Variants in TRPM3 observed in about 807,000 individuals in gnomAD.
TRPM3 encodes the protein long transient receptor potential channel 3.
Under a neutral mutation model 181.2 loss-of-function variants are expected in TRPM3, and 77 were observed. The ratio of observed to expected loss-of-function variants is 0.42; its 90% CI spans 0.35 to 0.51. TRPM3 has a LOEUF of 0.51. Among genes scored for constraint, TRPM3 ranks in the 20% least tolerant of loss-of-function variants. The pLI is 0.01. For synonymous variants in TRPM3, 745 were observed against 796.4 expected (o/e 0.94, Z 1.09); for missense variants, 1,759 against 2,196.7 (o/e 0.80, Z 3.98).
At chr9:70,968,534 T>C (rs918010143) in intron 1 of TRPM3, among the ~76,000 whole-genome samples, 1 of 152,154 alleles carries the variant, frequency 6.6e-6, no homozygotes, top group Non-Finnish European at 1.5e-5. Flanking sequence ...AGGGTTCATA[T>C]TGCACATTGT....
intron 9 of TRPM3, among the ~76,000 whole-genome samples, chr9:70,652,182 C>T (rs958806292): frequency 6.6e-6 from 1 of 152,036 alleles, no homozygotes; most frequent in African/African-American, 2.4e-5. Flanking sequence ...GCTATATGAA[C>T]AGAAATAGGA....
rs534060507 is a variant in TRPM3, at chr9:70,987,763, T to C, written c.178-123252A>G. Among the ~76,000 whole-genome samples, 202 of 152,264 alleles carry C rather than the reference T, an allele frequency of 1.3e-3. 3 individuals carry two copies. The highest frequency in any genetic ancestry group is 4.5e-3 in the African/African-American group (187 of 41,552). On this transcript the variant is annotated intron_variant, in intron 1 of 25. Coordinates refer to ENST00000677713, the MANE Select transcript of TRPM3 (RefSeq NM_001366145.2). ...ACCAGTAGAACAATGATTAATTCTC[T>C]GTTGGATCCTGGAATGTCTTTGGAG...
chr9:70,743,321 CACT>C, intron 8 of TRPM3, among the ~76,000 whole-genome samples: 1 of 152,280 alleles, frequency 6.6e-6, no homozygotes, highest in Middle Eastern at 3.4e-3. Flanking sequence ...GATATACCAA[CACT>C]ACAAGTAGAT....
intron 1 of TRPM3, among the ~76,000 whole-genome samples, chr9:71,107,156 G>C (rs1333733375): frequency 6.6e-6 from 1 of 152,072 alleles, no homozygotes; most frequent in Admixed American, 6.6e-5. Flanking sequence ...CCCCAACCCT[G>C]CACAGAGGCA....
intron 9 of TRPM3, among the ~76,000 whole-genome samples, chr9:70,656,173 AT>A (rs1171337687): frequency 6.6e-6 from 1 of 152,224 alleles, no homozygotes; most frequent in African/African-American, 2.4e-5. Context: ...GTTTGCATTT[AT>A]TAATCAAGCA....
At chr9:71,416,113 A>G (rs1273513453) in intron 1 of TRPM3, among the ~76,000 whole-genome samples, 2 of 151,728 alleles carry the variant, frequency 1.3e-5, no homozygotes, top group African/African-American at 4.8e-5. Context: ...AAGAAAAAAG[A>G]CCTGGTAGTT....
At chr9:71,399,818 A>G (rs967727209) in intron 1 of TRPM3, among the ~76,000 whole-genome samples, 1 of 152,196 alleles carries the variant, frequency 6.6e-6, no homozygotes, top group African/African-American at 2.4e-5. Flanking sequence ...GGCGTGAGCC[A>G]CTGCGCCCAG....
intron 19 of TRPM3, among the ~76,000 whole-genome samples, chr9:70,605,021 A>G (rs1161353640): frequency 1.4e-5 from 2 of 138,498 alleles, no homozygotes; most frequent in Non-Finnish European, 3.0e-5. Flanking sequence ...CAGTGGTGCG[A>G]TCTCGGCTTT....
chr9:71,430,754 T>C (rs924657451), intron 1 of TRPM3, among the ~76,000 whole-genome samples: 6 of 151,920 alleles, frequency 3.9e-5, no homozygotes, highest in African/African-American at 1.2e-4. Context: ...GAGGTTGCAG[T>C]GAGCCGAGAT....
At chr9:71,127,497 C>T (rs1248254351) in intron 1 of TRPM3, among the ~76,000 whole-genome samples, 1 of 152,132 alleles carries the variant, frequency 6.6e-6, no homozygotes, top group Non-Finnish European at 1.5e-5. Context: ...AGACTCTATC[C>T]AAACCTAAGT....
chr9:71,175,499 A>T (rs1406367136), intron 1 of TRPM3, among the ~76,000 whole-genome samples: 3 of 152,210 alleles, frequency 2.0e-5, no homozygotes, highest in Non-Finnish European at 4.4e-5. Context: ...GATAGCCAAA[A>T]GGCACAGAGT....
At chr9:70,871,974 C>T (rs538874531) in intron 1 of TRPM3, among the ~76,000 whole-genome samples, 10 of 151,972 alleles carry the variant, frequency 6.6e-5, no homozygotes, top group Middle Eastern at 3.4e-3. Context: ...CCATCAGTAA[C>T]GAGATTTTAA....
intron 22 of TRPM3, among the ~76,000 whole-genome samples, chr9:70,563,688 C>T (rs1265363578): frequency 6.6e-6 from 1 of 152,042 alleles, no homozygotes; most frequent in Non-Finnish European, 1.5e-5. Context: ...TAAAGCAAGC[C>T]ATATGAGAGA....
Position 70,635,196 on chromosome 9 carries a change from C to T in TRPM3, c.1632+15G>A, listed in dbSNP as rs188231720. ...CAAGACAGGGCCTCCGACCTGCAGTCGAGAGGGTTCTTACCTTTTTGACAT... is the reference window on the plus strand; with the variant it reads ...CAAGACAGGGCCTCCGACCTGCAGTTGAGAGGGTTCTTACCTTTTTGACAT... On this transcript the variant is annotated intron_variant, in intron 12 of 25. Transcript: ENST00000677713. 305 of 1,612,816 alleles carry T rather than the reference C, an allele frequency of 1.9e-4. No individual in the cohort carries two copies. The Admixed American group carries it at 4.3e-3, about 22-fold the overall frequency.
Position 70,601,596 on chromosome 9 carries a change from C to T in TRPM3, c.2796+1746G>A, listed in dbSNP as rs1006764800. Among the ~76,000 whole-genome samples, 15 of 152,258 alleles carry T rather than the reference C, an allele frequency of 9.9e-5. No individual in the cohort carries two copies. In the East Asian group the frequency reaches 2.7e-3, roughly 27 times the overall value. On this transcript the variant is annotated intron_variant, in intron 20 of 25. Coordinates refer to ENST00000677713, the MANE Select transcript of TRPM3 (RefSeq NM_001366145.2). ...GAGCCGCAGAGGAAAAGGTCAGACT[C>T]GGAGGTGGTCACCGCCTCACTCCCC...
Position 70,864,538 on chromosome 9 carries a change from A to AAAAAAAAAAAAAAAAG in TRPM3, c.178-28_178-27insCTTTTTTTTTTTTTTT, listed in dbSNP as rs375135324. 1.9e-5 allele frequency: 27 copies of AAAAAAAAAAAAAAAAG among 1,433,874 alleles called. 1 individual carries two copies. Among genetic ancestry groups the AAAAAAAAAAAAAAAAG allele is most frequent in the South Asian group, 4.6e-5 (3 of 64,944 alleles). 88.8% of individuals were successfully genotyped at this position (1,433,874 alleles called of 1,614,324 possible). A position where few individuals can be genotyped will look rare whatever the true frequency, so the allele number is the denominator to read the frequency against. ...TGAAAAAGAAAACAAAAAAAAAAAA[A>AAAAAAAAAAAAAAAAG]AAAGAAAAAAGAAAGAAAGGTGAAC... On this transcript the variant is annotated intron_variant, in intron 1 of 25. Coordinates refer to ENST00000677713, the MANE Select transcript of TRPM3 (RefSeq NM_001366145.2).
intron 1 of TRPM3, among the ~76,000 whole-genome samples, chr9:71,242,074 C>A (rs1372109275): frequency 6.6e-6 from 1 of 152,178 alleles, no homozygotes; most frequent in Non-Finnish European, 1.5e-5. Context: ...GAAATCACTG[C>A]CCCTCAATAG....
At chr9:71,191,791 T>A (rs1361521073) in intron 1 of TRPM3, among the ~76,000 whole-genome samples, 1 of 119,414 alleles carries the variant, frequency 8.4e-6, no homozygotes, top group Non-Finnish European at 1.9e-5. Context: ...ACAGAACATA[T>A]AAAAAAAAAA....
At position 70,616,087 on chromosome 9, in the gene TRPM3, A is replaced by G. The variant is rs1163182675; in HGVS notation, c.2359-12T>C. ...ATTCCCAGAATTACCTAAAGTAATA[A>G]TAATGATAATAATAATAATCACATT... On this transcript the variant is annotated splice_polypyrimidine_tract_variant and intron_variant, in intron 17 of 25. Transcript: ENST00000677713. 1 of 1,519,200 alleles carries G rather than the reference A, an allele frequency of 6.6e-7. No homozygotes were observed. The highest frequency in any genetic ancestry group is 8.9e-7 in the Non-Finnish European group (1 of 1,127,964). 94.1% of individuals were successfully genotyped at this position (1,519,200 alleles called of 1,614,324 possible). A position where few individuals can be genotyped will look rare whatever the true frequency, so the allele number is the denominator to read the frequency against.
Sources: gnomAD v4.1 joint callset for allele counts (sites outside exome capture counted in the v4.1 genomes callset) on GRCh38, gnomAD v4.1.1 for gene constraint, MANE v1.5 for transcripts, NCBI Gene and HGNC (gene_info 2026-07-23, HGNC 2026-07-21) for gene names.